Variants in MAGI3 observed in about 807,000 individuals in gnomAD.
MAGI3 encodes membrane associated guanylate kinase, WW and PDZ domain containing 3.
A neutral mutation model predicts 121.8 loss-of-function variants in MAGI3; 43 were observed. The observed-to-expected ratio is 0.35, with a 90% confidence interval of 0.28 to 0.46. The LOEUF is 0.46. MAGI3 is among the 20% of genes least tolerant of loss of function. The pLI, the probability that MAGI3 is intolerant of heterozygous loss-of-function variation, is 1.00. For missense variants in MAGI3, 1,547 were observed against 1,797.3 expected, an observed-to-expected ratio of 0.86 and a Z score of 2.52; for synonymous variants, 553 against 639.3, an observed-to-expected ratio of 0.86 and a Z score of 2.04.
intron 1 of MAGI3, among the ~76,000 whole-genome samples, chr1:113,402,312 T>G (rs1297526785): frequency 6.6e-6 from 1 of 152,150 alleles, no homozygotes; most frequent in East Asian, 1.9e-4. Flanking sequence ...AGGAAAGAAT[T>G]TTAATCATTA....
chr1:113,533,566 G>A (rs901786995), intron 1 of MAGI3, among the ~76,000 whole-genome samples: 1 of 151,954 alleles, frequency 6.6e-6, no homozygotes, highest in East Asian at 1.9e-4. Context: ...AAACCTGCAC[G>A]TGTATCCCCC....
intron 16 of MAGI3, among the ~76,000 whole-genome samples, chr1:113,660,707 C>T (rs982913223): frequency 1.3e-5 from 2 of 150,816 alleles, no homozygotes; most frequent in African/African-American, 2.4e-5. Flanking sequence ...CTCAACCTCC[C>T]GGGCTCAAGT....
intron 6 of MAGI3, among the ~76,000 whole-genome samples, chr1:113,605,670 G>A (rs1649717122): frequency 6.6e-6 from 1 of 151,970 alleles, no homozygotes; most frequent in African/African-American, 2.4e-5. Flanking sequence ...CGCAATCTTG[G>A]ATCACTGCAA....
At chr1:113,579,577 C>G (rs186743882) in intron 2 of MAGI3, among the ~76,000 whole-genome samples, 104 of 152,154 alleles carry the variant, frequency 6.8e-4, no homozygotes, top group African/African-American at 2.5e-3. Flanking sequence ...TTTCCTCAGA[C>G]TGTGTTTTAG....
In MAGI3 at chr1:113,659,356, C is replaced by T. The variant is rs1653659284; in HGVS notation, c.2815+91C>T. On this transcript the variant is annotated intron_variant, in intron 16 of 20. Coordinates refer to ENST00000307546, the MANE Select transcript of MAGI3 (RefSeq NM_001142782.2). ...TGGCCTCCTCCAGCACTGCCAGAAT[C>T]ACTGCGGGGATATAACTGTGTATGC... 4 of 1,263,512 alleles carry T rather than the reference C, an allele frequency of 3.2e-6. No homozygotes were observed. The Admixed American group carries it at 9.1e-5, about 29-fold the overall frequency. 78.3% of individuals were successfully genotyped at this position (1,263,512 alleles called of 1,614,324 possible).
intron 3 of MAGI3, among the ~76,000 whole-genome samples, chr1:113,584,966 C>CGATTT (rs61622151): frequency 9.0e-6 from 1 of 110,730 alleles, no homozygotes; most frequent in African/African-American, 3.7e-5. Context: ...GTAGATATTT[C>CGATTT]CTTTTTTTTT....
At chr1:113,574,528 CTGGCTTGAAG>C (rs534340924) in intron 2 of MAGI3, among the ~76,000 whole-genome samples, 111 of 152,310 alleles carry the variant, frequency 7.3e-4, no homozygotes, top group African/African-American at 2.5e-3. Context: ...CTACTCTCTT[CTGGCTTGAAG>C]GGTTTCTGCA....
At chr1:113,616,935 G>A (rs1650508843) in intron 7 of MAGI3, among the ~76,000 whole-genome samples, 2 of 147,938 alleles carry the variant, frequency 1.4e-5, no homozygotes, top group South Asian at 2.1e-4. Context: ...CCAGGCTAGA[G>A]TGCAGCAGCA....
chr1:113,391,102 C>G lies in MAGI3; in HGVS notation c.69C>G (p.Ala23=). The G allele has an allele frequency of 2.5e-6, 4 of 1,582,718 alleles. No homozygotes were observed. Among genetic ancestry groups the G allele is most frequent in the Non-Finnish European group, 2.6e-6 (3 of 1,165,104 alleles). Reference sequence around the variant, plus strand: ...TGCAGGAGTGCGCCGTGTCCTGGGCCGGGCCCCCGGGCGACTTCGGCGCGG... The same window carrying G: ...TGCAGGAGTGCGCCGTGTCCTGGGCGGGGCCCCCGGGCGACTTCGGCGCGG... ...SKVQECAVSW[A]GPPGDFGAEI... is the part of the protein sequence containing the mutation. Residue 23 remains alanine, a synonymous_variant, in exon 1 of 21, where the codon GCC becomes GCG. Coordinates refer to ENST00000307546, the MANE Select transcript of MAGI3 (RefSeq NM_001142782.2). The surrounding 1 kb of genome is among the most constrained non-coding windows in gnomAD (Gnocchi z 4.4).
At chr1:113,402,303 G>A (rs959438595) in intron 1 of MAGI3, among the ~76,000 whole-genome samples, 34 of 152,198 alleles carry the variant, frequency 2.2e-4, no homozygotes, top group African/African-American at 8.2e-4. Context: ...CTGCAGCACA[G>A]GAAAGAATTT....
At chr1:113,668,514 A>G (rs952828935) in intron 16 of MAGI3, among the ~76,000 whole-genome samples, 1 of 151,620 alleles carries the variant, frequency 6.6e-6, no homozygotes, top group African/African-American at 2.4e-5. Context: ...AATCCCAGTG[A>G]TAGGAAGTTT....
At chr1:113,635,540 G>A (rs1265518889) in intron 9 of MAGI3, among the ~76,000 whole-genome samples, 17 of 152,080 alleles carry the variant, frequency 1.1e-4, no homozygotes, top group South Asian at 2.1e-4. Context: ...ACTGATTTGC[G>A]TATATTGAAC....
At chr1:113,668,611 T>C (rs1647316637) in intron 16 of MAGI3, among the ~76,000 whole-genome samples, 1 of 135,836 alleles carries the variant, frequency 7.4e-6, no homozygotes, top group Non-Finnish European at 1.5e-5. Flanking sequence ...AGTCTCGCTC[T>C]GTCGCCCAGG....
chr1:113,545,522 C>T (rs1195240754), intron 1 of MAGI3, among the ~76,000 whole-genome samples: 2 of 152,138 alleles, frequency 1.3e-5, no homozygotes, highest in African/African-American at 2.4e-5. Flanking sequence ...GCATGCCCAG[C>T]GTTTAGTTAA....
intron 1 of MAGI3, among the ~76,000 whole-genome samples, chr1:113,437,285 C>G (rs1653617655): frequency 6.6e-6 from 1 of 151,850 alleles, no homozygotes; most frequent in East Asian, 1.9e-4. Flanking sequence ...CTAAACTCAT[C>G]TTTATCTATT....
intron 3 of MAGI3, among the ~76,000 whole-genome samples, chr1:113,581,995 A>G (rs1648070506): frequency 6.6e-6 from 1 of 151,982 alleles, no homozygotes; most frequent in South Asian, 2.1e-4. Flanking sequence ...AAGATGCTCT[A>G]CATTTTCTTC....
Position 113,513,779 on chromosome 1 carries a change from G to A in MAGI3, c.317-35736G>A, listed in dbSNP as rs577637152. On this transcript the variant is annotated intron_variant, in intron 1 of 20. Coordinates refer to ENST00000307546, the MANE Select transcript of MAGI3 (RefSeq NM_001142782.2). ...CAACAAAAGCCAAAATTGACAAATG[G>A]GATCTAATTAAACTAAAGAGCTTCT... 2.4e-3 allele frequency among the ~76,000 whole-genome samples: 367 copies of A among 152,230 alleles called. 1 individual carries two copies. The highest frequency in any genetic ancestry group is 9.0e-3 in the Admixed American group (137 of 15,288).
intron 1 of MAGI3, among the ~76,000 whole-genome samples, chr1:113,538,201 G>A (rs1659094751): frequency 6.6e-6 from 1 of 151,998 alleles, no homozygotes; most frequent in Non-Finnish European, 1.5e-5. Flanking sequence ...TCTTTTTTGG[G>A]TCAATATTCC....
intron 1 of MAGI3, among the ~76,000 whole-genome samples, chr1:113,425,345 C>T (rs1166717845): frequency 1.5e-5 from 2 of 130,958 alleles, no homozygotes; most frequent in East Asian, 4.8e-4. Context: ...TGCAGTGGCG[C>T]GATCTCAGCT....
Sources: allele counts gnomAD v4.1 joint callset (sites outside exome capture counted in the v4.1 genomes callset), GRCh38; gene constraint gnomAD v4.1.1; non-coding constraint Gnocchi (gnomAD v3.1); transcripts MANE v1.5; gene names NCBI Gene and HGNC (gene_info 2026-07-23, HGNC 2026-07-21).